STXBP5: variants seen among roughly 807,000 people sequenced by gnomAD.
The protein encoded by STXBP5 is syntaxin binding protein 5, also known as syntaxin-binding protein 5.
A neutral mutation model predicts 152.4 loss-of-function variants in STXBP5; 50 were observed. The observed-to-expected ratio is 0.33, with a 90% CI of 0.26 to 0.42. The LOEUF is 0.42. STXBP5 is among the 10% of genes least tolerant of loss of function. STXBP5 has a pLI of 1.00. For synonymous variants in STXBP5, 492 were observed against 494.7 expected, an observed-to-expected ratio of 0.99 and a Z score of 0.07; for missense variants, 1,167 against 1,388.6, an observed-to-expected ratio of 0.84 and a Z score of 2.54.
chr6:147,274,943 G>T (rs1176243595), intron 7 of STXBP5, among the ~76,000 whole-genome samples: 2 of 152,134 alleles, frequency 1.3e-5, no homozygotes, highest in African/African-American at 4.8e-5. Context: ...ACTGTGAAAT[G>T]ATTCTAATAA....
At chr6:147,241,918 C>T (rs1778565148) in intron 4 of STXBP5, among the ~76,000 whole-genome samples, 1 of 151,976 alleles carries the variant, frequency 6.6e-6, no homozygotes, top group African/African-American at 2.4e-5. Context: ...CTGTTACTGT[C>T]ATATATTTAT....
chr6:147,321,688 C>T (rs1782943855), intron 16 of STXBP5, among the ~76,000 whole-genome samples: 1 of 152,196 alleles, frequency 6.6e-6, no homozygotes, highest in Admixed American at 6.5e-5. Context: ...CTCAAACAAT[C>T]ATTTTGAAAC....
chr6:147,241,276 G>A (rs549727844), intron 4 of STXBP5, among the ~76,000 whole-genome samples: 375 of 152,190 alleles, frequency 2.5e-3, no homozygotes, highest in African/African-American at 8.1e-3. Flanking sequence ...GTTAATGAAC[G>A]AAAATTGATA....
chr6:147,378,904 G>A (rs1785939585), intron 26 of STXBP5, among the ~76,000 whole-genome samples: 1 of 152,074 alleles, frequency 6.6e-6, no homozygotes, highest in Non-Finnish European at 1.5e-5. Flanking sequence ...AATTCCATAG[G>A]TTAGAAATCA....
chr6:147,321,640 T>A (rs997307489), intron 16 of STXBP5, among the ~76,000 whole-genome samples: 1 of 152,196 alleles, frequency 6.6e-6, no homozygotes, highest in Non-Finnish European at 1.5e-5. Flanking sequence ...AATTTTATGT[T>A]TTTGAATTAT....
chr6:147,296,771 C>T (rs1358812783), intron 9 of STXBP5, among the ~76,000 whole-genome samples: 1 of 152,056 alleles, frequency 6.6e-6, no homozygotes, highest in African/African-American at 2.4e-5. Context: ...ACAAAGTTAG[C>T]ATTTTTGGAA....
At chr6:147,281,847 T>A (rs1424262356) in intron 8 of STXBP5, among the ~76,000 whole-genome samples, 1 of 152,074 alleles carries the variant, frequency 6.6e-6, no homozygotes, top group Admixed American at 6.5e-5. Flanking sequence ...GCCAGAAGAG[T>A]TGTAGTTAAG....
intron 18 of STXBP5, among the ~76,000 whole-genome samples, chr6:147,327,563 C>G (rs1196477855): frequency 2.0e-5 from 3 of 152,096 alleles, no homozygotes; most frequent in Non-Finnish European, 2.9e-5. Context: ...CACCTCAACC[C>G]TCTGAGTAGC....
In STXBP5 at chr6:147,247,564, G is replaced by A. The variant is rs1778871234; in HGVS notation, c.431+8294G>A. The stretch of plus-strand genomic sequence containing the variant: ...GTTATGATTTGATAAACTTGAAACT[G>A]TTAAAGAAAGGATGTTCAGGCAGTA... On this transcript the variant is annotated intron_variant, in intron 4 of 27. Coordinates refer to ENST00000321680, the MANE Select transcript of STXBP5 (RefSeq NM_001127715.4). 2.6e-5 allele frequency among the ~76,000 whole-genome samples: 4 copies of A among 152,158 alleles called. No homozygotes were observed. The South Asian group carries it at 6.2e-4, about 24-fold the overall frequency.
At chr6:147,331,488 C>T (rs1180494673) in intron 18 of STXBP5, among the ~76,000 whole-genome samples, 4 of 152,054 alleles carry the variant, frequency 2.6e-5, no homozygotes, top group African/African-American at 4.8e-5. Context: ...TTCTCTGAAG[C>T]TCAGTGTCCT....
At chr6:147,294,671 T>A (rs1314996462) in intron 9 of STXBP5, among the ~76,000 whole-genome samples, 1 of 152,152 alleles carries the variant, frequency 6.6e-6, no homozygotes, top group African/African-American at 2.4e-5. Context: ...AGTATTTTAG[T>A]CCTTTTTGAT....
chr6:147,292,005 C>A (rs1554294127), intron 9 of STXBP5, among the ~76,000 whole-genome samples: 1 of 152,142 alleles, frequency 6.6e-6, no homozygotes, highest in Admixed American at 6.5e-5. Context: ...TCTACTGAAT[C>A]AAAAACTCTA....
rs548307637 is a variant in STXBP5 at position 147,299,064 on chromosome 6, C to G, written c.917+7892C>G. Among the ~76,000 whole-genome samples the G allele has an allele frequency of 2.0e-5, 3 of 151,708 alleles. No homozygotes were observed. The East Asian group carries it at 5.8e-4, about 29-fold the overall frequency. On this transcript the variant is annotated intron_variant, in intron 9 of 27. Transcript: ENST00000321680. ...ACAAAATAGAGACTAAATAAAAATA[C>G]CAAATATCAATGAAACACAGTTTGT...
At chr6:147,249,879 A>C (rs762427263) in intron 4 of STXBP5, among the ~76,000 whole-genome samples, 7 of 152,232 alleles carry the variant, frequency 4.6e-5, no homozygotes, top group Admixed American at 6.5e-5. Context: ...AAGAAACCAG[A>C]GCATCTAGAA....
intron 9 of STXBP5, among the ~76,000 whole-genome samples, chr6:147,306,093 T>A (rs1782078368): frequency 6.6e-6 from 1 of 152,204 alleles, no homozygotes; most frequent in Admixed American, 6.5e-5. Context: ...GCTGTAGGTA[T>A]GTTCCCCAAA....
chr6:147,347,406 T>C (rs79976390), intron 21 of STXBP5, among the ~76,000 whole-genome samples: 4,980 of 152,226 alleles, frequency 0.033, 76 homozygotes, highest in Middle Eastern at 0.054. Context: ...ATGATGAAAG[T>C]TCCACAATTA....
chr6:147,361,985 G>A (rs980255417), intron 23 of STXBP5, among the ~76,000 whole-genome samples: 15 of 152,094 alleles, frequency 9.9e-5, no homozygotes, highest in Non-Finnish European at 1.9e-4. Flanking sequence ...ATGTAGAGTA[G>A]GGTTACTAGA....
intron 16 of STXBP5, among the ~76,000 whole-genome samples, chr6:147,317,929 A>G (rs910777819): frequency 1.6e-4 from 24 of 152,094 alleles, no homozygotes; most frequent in African/African-American, 5.6e-4. Context: ...ACGTAGTACA[A>G]TTTGTCTTTG....
Position 147,378,589 on chromosome 6 carries a change from G to T in STXBP5, c.3194-4189G>T, listed in dbSNP as rs1289087897. Reference sequence around the variant, plus strand: ...ATTCAGCATTCTTTTCAAGTCCCTAGAGGGTGTGGAAAGGGAAGAACAAAT... The same window carrying T: ...ATTCAGCATTCTTTTCAAGTCCCTATAGGGTGTGGAAAGGGAAGAACAAAT... On this transcript the variant is annotated intron_variant, in intron 26 of 27. Transcript: ENST00000321680. Among the ~76,000 whole-genome samples, 3 of 151,914 alleles carry T rather than the reference G, an allele frequency of 2.0e-5. No homozygotes were observed. In the East Asian group the frequency reaches 5.8e-4, roughly 29 times the overall value.
Sources: gnomAD v4.1 joint callset for allele counts (sites outside exome capture counted in the v4.1 genomes callset) on GRCh38, gnomAD v4.1.1 for gene constraint, MANE v1.5 for transcripts, NCBI Gene and HGNC (gene_info 2026-07-23, HGNC 2026-07-21) for gene names.